Variants in IKBKB-DT observed in about 807,000 individuals in gnomAD.
IKBKB-DT encodes IKBKB antisense RNA.
chr8:42,267,016 T>C (rs1807381540), intron 1 of IKBKB-DT, among the ~76,000 whole-genome samples: 1 of 150,552 alleles, frequency 6.6e-6, no homozygotes, highest in Non-Finnish European at 1.5e-5. Context: ...TTTTTTTTTT[T>C]TTGAGGTGGA....
At chr8:42,248,547 A>G (rs945734015) in intron 3 of IKBKB-DT, among the ~76,000 whole-genome samples, 5 of 152,162 alleles carry the variant, frequency 3.3e-5, no homozygotes, top group Admixed American at 3.3e-4. Context: ...ATTTTCCATA[A>G]TGCAATTTGA....
At chr8:42,255,326 A>C (rs1807184905) in intron 3 of IKBKB-DT, 1 of 152,178 alleles carries the variant, frequency 6.6e-6, no homozygotes, top group African/African-American at 2.4e-5. Context: ...GCTCTTTTTA[A>C]GTCTGTTTTG....
chr8:42,259,667 A>C (rs1807255136), intron 3 of IKBKB-DT, among the ~76,000 whole-genome samples: 1 of 152,126 alleles, frequency 6.6e-6, no homozygotes, highest in Admixed American at 6.6e-5. Context: ...ACAAATGAAG[A>C]GCATGGCATT....
chr8:42,239,636 T>TA lies in IKBKB-DT; in HGVS notation n.1530-5778_1530-5777insT, dbSNP rs55662464. 9.3e-3 allele frequency among the ~76,000 whole-genome samples: 262 copies of TA among 28,206 alleles called. 28 individuals are homozygous for TA. The highest frequency in any genetic ancestry group is 0.069 in the South Asian group (46 of 670). 18.5% of individuals were successfully genotyped at this position (28,206 alleles called of 152,430 possible). A position where few individuals can be genotyped will look rare whatever the true frequency, so the allele number is the denominator to read the frequency against. ...AATTTATATATATATATATATATAT[T>TA]TATTTATTTATTCATTTTTTTTTTT... On this transcript the variant is annotated intron_variant and non_coding_transcript_variant, in intron 3 of 3. Transcript: ENST00000518213.
At chr8:42,242,789 C>G (rs1807020021) in intron 3 of IKBKB-DT, among the ~76,000 whole-genome samples, 1 of 152,206 alleles carries the variant, frequency 6.6e-6, no homozygotes. Context: ...TTCTGATGCT[C>G]TACAGGGAGC....
At chr8:42,269,271 G>C (rs1339757439) in intron 1 of IKBKB-DT, among the ~76,000 whole-genome samples, 1 of 149,254 alleles carries the variant, frequency 6.7e-6, no homozygotes, top group East Asian at 2.0e-4. Flanking sequence ...AGTGAGCCGT[G>C]ATCCTGCCAC....
intron 3 of IKBKB-DT, among the ~76,000 whole-genome samples, chr8:42,257,274 C>CA (rs1247944794): frequency 6.6e-6 from 1 of 152,062 alleles, no homozygotes; most frequent in African/African-American, 2.4e-5. Flanking sequence ...GAGGCCGAGG[C>CA]AGGCGGATCA....
intron 3 of IKBKB-DT, among the ~76,000 whole-genome samples, chr8:42,260,278 C>T (rs1032547214): frequency 3.3e-5 from 5 of 152,228 alleles, no homozygotes; most frequent in Non-Finnish European, 4.4e-5. Flanking sequence ...ATCAGCTTGA[C>T]AGAACAGAGA....
intron 3 of IKBKB-DT, among the ~76,000 whole-genome samples, chr8:42,252,512 CG>C (rs1807142079): frequency 6.6e-6 from 1 of 152,154 alleles, no homozygotes; most frequent in Admixed American, 6.5e-5. Context: ...ACTACCGGTG[CG>C]TGCCACCACA....
At chr8:42,266,022 C>G (rs1807364308) in exon 2 of IKBKB-DT, 1 of 152,304 alleles carries the variant, frequency 6.6e-6, no homozygotes. Context: ...CTCCACCAGC[C>G]CACCCTCATC....
At chr8:42,266,628 T>C (rs2129937167) in intron 1 of IKBKB-DT, among the ~76,000 whole-genome samples, 1 of 152,266 alleles carries the variant, frequency 6.6e-6, no homozygotes, top group Admixed American at 6.5e-5. Flanking sequence ...CATTCCCAGA[T>C]GGTTAAGGCA....
At chr8:42,255,023 G>T (rs929987527) in intron 3 of IKBKB-DT, among the ~76,000 whole-genome samples, 13 of 151,500 alleles carry the variant, frequency 8.6e-5, no homozygotes, top group African/African-American at 2.9e-4. Flanking sequence ...TCTGGGATGT[G>T]AGGAGCGCGT....
chr8:42,257,476 G>A (rs1807220531), intron 3 of IKBKB-DT, among the ~76,000 whole-genome samples: 1 of 151,184 alleles, frequency 6.6e-6, no homozygotes, highest in Non-Finnish European at 1.5e-5. Flanking sequence ...ACTCCAGCCT[G>A]GCAACAGAGC....
chr8:42,239,858 C>T (rs532050551), intron 3 of IKBKB-DT, among the ~76,000 whole-genome samples: 15 of 151,346 alleles, frequency 9.9e-5, no homozygotes, highest in East Asian at 9.8e-4. Context: ...AGGCTGGTCT[C>T]GAACTCCTGA....
At chr8:42,261,958 G>A (rs908724188) in intron 3 of IKBKB-DT, among the ~76,000 whole-genome samples, 10 of 152,192 alleles carry the variant, frequency 6.6e-5, no homozygotes, top group South Asian at 6.2e-4. Context: ...CTCAGCAGGC[G>A]GATAGTCATG....
chr8:42,248,639 G>C (rs1807091465), intron 3 of IKBKB-DT, among the ~76,000 whole-genome samples: 1 of 152,104 alleles, frequency 6.6e-6, no homozygotes, highest in Admixed American at 6.5e-5. Context: ...CCAGCACTTT[G>C]GGAGGCCAAG....
intron 3 of IKBKB-DT, among the ~76,000 whole-genome samples, chr8:42,252,986 A>G (rs773052731): frequency 1.3e-5 from 2 of 152,090 alleles, no homozygotes; most frequent in Non-Finnish European, 2.9e-5. Context: ...TTTGTGGGGG[A>G]AAATTTGTAT....
At position 42,251,483 on chromosome 8, in the gene IKBKB-DT, G is replaced by A. The variant is rs73675033; in HGVS notation, n.1529+11846C>T. On this transcript the variant is annotated intron_variant and non_coding_transcript_variant, in intron 3 of 3. Transcript: ENST00000518213. ...AGGAAGGGGCATAGGCTGTGAGCTG[G>A]AACGTGCCTGTGAGCATGTCCAACA... Among the ~76,000 whole-genome samples, 988 of 152,346 alleles carry A rather than the reference G, an allele frequency of 6.5e-3. 9 individuals carry two copies. The highest frequency in any genetic ancestry group is 0.022 in the African/African-American group (910 of 41,580).
Position 42,257,875 on chromosome 8 carries a change from T to C in IKBKB-DT, n.1529+5454A>G, listed in dbSNP as rs148528948. 3.2e-3 allele frequency among the ~76,000 whole-genome samples: 486 copies of C among 152,106 alleles called. 3 individuals carry two copies. Among genetic ancestry groups the C allele is most frequent in the African/African-American group, 0.011 (462 of 41,560 alleles). ...CTGTAAAACATTACTCAGTTATCCA[T>C]TTAACCAAAGCGCTGGAAGATTTCA... is the stretch of plus-strand genomic sequence containing the variant. On this transcript the variant is annotated intron_variant and non_coding_transcript_variant, in intron 3 of 3. Transcript: ENST00000518213.
Sources: allele counts gnomAD v4.1 joint callset (sites outside exome capture counted in the v4.1 genomes callset), GRCh38; gene constraint gnomAD v4.1.1; transcripts MANE v1.5; gene names NCBI Gene and HGNC (gene_info 2026-07-23, HGNC 2026-07-21).